The following GIMAP2 variants were observed in gnomAD, a reference collection of about 807,000 sequenced individuals.
GIMAP2 encodes the protein GTPase, IMAP family member 2.
A neutral mutation model predicts 25.5 loss-of-function variants in GIMAP2; 22 were observed. The observed-to-expected ratio is 0.86, with a 90% CI of 0.62 to 1.23. GIMAP2 has a LOEUF of 1.23. GIMAP2 is among the 50% of genes most tolerant of loss of function. The probability of loss-of-function intolerance (pLI) is 0.00; values close to 1 mark genes in which losing one functional copy is unlikely to be tolerated. For missense variants in GIMAP2, 422 were observed against 395.7 expected (o/e 1.07, Z -0.56); for synonymous variants, 167 against 143.0 (o/e 1.17, Z -1.20).
chr7:150,693,236 C>G lies in GIMAP2; in HGVS notation c.950C>G (p.Pro317Arg), dbSNP rs778088990. The G allele has an allele frequency of 6.2e-7, 1 of 1,600,910 alleles. No homozygotes were observed. The highest frequency in any genetic ancestry group is 8.5e-7 in the Non-Finnish European group (1 of 1,174,322). Residue 317 changes from proline (P) to arginine (R), a missense_variant, in exon 3 of 3, where the codon CCC becomes CGC. Pro to Arg is a moderately radical substitution (Grantham distance 103). Coordinates refer to ENST00000223293, the MANE Select transcript of GIMAP2 (RefSeq NM_015660.3). ...TTCTGCAGTTTGCTGTTTATTATAC[C>G]CAAAAAGTTAATGATATTTTTGAGA... Reference protein sequence around the residue: ...NLFCSLLFIIPKKLMIFLRTV... With the variant: ...NLFCSLLFIIRKKLMIFLRTV...
At position 150,685,800 on chromosome 7, in the gene GIMAP2, A is replaced by G. The variant is rs1193262985; in HGVS notation, c.-9+15A>G. The G allele has an allele frequency of 1.0e-6, 1 of 954,702 alleles. No individual in the cohort carries two copies. Among genetic ancestry groups the G allele is most frequent in the Non-Finnish European group, 1.2e-6 (1 of 801,900 alleles). 59.1% of individuals were successfully genotyped at this position (954,702 alleles called of 1,614,324 possible). A position where few individuals can be genotyped will look rare whatever the true frequency, so the allele number is the denominator to read the frequency against. On this transcript the variant is annotated intron_variant, in intron 1 of 2. Transcript: ENST00000223293. ...CAGTAAATCAGGTAAGCCCAGATTT[A>G]CGAAAAGTTCTGCAGTGTTGATTTC... is the stretch of plus-strand genomic sequence containing the variant.
At chr7:150,690,699 CTT>C (rs983529874) in intron 2 of GIMAP2, among the ~76,000 whole-genome samples, 10 of 152,216 alleles carry the variant, frequency 6.6e-5, no homozygotes, top group African/African-American at 2.4e-4. Flanking sequence ...CACCAGCACT[CTT>C]TTAAGTTCTT....
chr7:150,686,410 C>T (rs969423944), intron 1 of GIMAP2, among the ~76,000 whole-genome samples: 1 of 152,010 alleles, frequency 6.6e-6, no homozygotes, highest in African/African-American at 2.4e-5. Context: ...GGCACACCTA[C>T]AGAGAAAGCT....
In GIMAP2 at chr7:150,687,044, T is replaced by C. The variant is rs755976541; in HGVS notation, c.-8-8T>C. 6.2e-7 allele frequency: 1 copy of C among 1,600,768 alleles called. No individual in the cohort carries two copies. The highest frequency in any genetic ancestry group is 8.6e-7 in the Non-Finnish European group (1 of 1,168,050). On this transcript the variant is annotated splice_polypyrimidine_tract_variant and splice_region_variant and intron_variant, in intron 1 of 2. Transcript: ENST00000223293. ...GAAAAATAAGTTTCTTGTCTCTCTG[T>C]TTCTCAGGAACACCAATGGACCAAA...
Position 150,688,791 on chromosome 7 carries a change from A to G in GIMAP2, c.28+1704A>G, listed in dbSNP as rs571283399. Among the ~76,000 whole-genome samples the G allele has an allele frequency of 1.6e-4, 24 of 152,244 alleles. No homozygotes were observed. The South Asian group carries it at 5.0e-3, about 32-fold the overall frequency. On this transcript the variant is annotated intron_variant, in intron 2 of 2. Transcript: ENST00000223293. ...AGTCCTCACCGCCATCCCATGCCCC[A>G]TTACAGCAGACACCCTCCACTGTGC...
At chr7:150,689,950 T>C (rs2116504731) in intron 2 of GIMAP2, among the ~76,000 whole-genome samples, 1 of 152,352 alleles carries the variant, frequency 6.6e-6, no homozygotes, top group Admixed American at 6.5e-5. Context: ...GAGAATTTAA[T>C]CTTTGGTTAA....
rs562177098 is a variant in GIMAP2 at position 150,692,635 on chromosome 7, C to T, written c.349C>T (p.Arg117Cys). ...GCTGCTCCTGGTGACTCAGCTGGGC[C>T]GCTATACCTCACAGGACCAGCAGGC... Reference protein sequence around the residue: ...HVLLLVTQLGRYTSQDQQAAQ... With the variant: ...HVLLLVTQLGCYTSQDQQAAQ... Residue 117 changes from arginine (R) to cysteine (C), a missense_variant, in exon 3 of 3, where the codon CGC becomes TGC. Physicochemically the swap from Arg to Cys is radical, Grantham distance 180. Transcript: ENST00000223293. The T allele has an allele frequency of 6.8e-6, 11 of 1,613,982 alleles. No individual in the cohort carries two copies. The highest frequency in any genetic ancestry group is 6.7e-5 in the Admixed American group (4 of 60,010).
chr7:150,687,023 A>C, intron 1 of GIMAP2, 29 bp from the exon 2 acceptor site: 1 of 1,536,524 alleles, frequency 6.5e-7, no homozygotes, highest in Non-Finnish European at 9.0e-7. Flanking sequence ...AGAACTGAAA[A>C]ATAAGTTTCT....
intron 2 of GIMAP2, among the ~76,000 whole-genome samples, chr7:150,690,987 C>T (rs1298271877): frequency 1.3e-5 from 2 of 152,218 alleles, no homozygotes; most frequent in African/African-American, 4.8e-5. Context: ...CTCTCTGCAA[C>T]ATGAGAGTAA....
At chr7:150,688,386 C>T (rs1796927369) in intron 2 of GIMAP2, among the ~76,000 whole-genome samples, 2 of 152,234 alleles carry the variant, frequency 1.3e-5, no homozygotes, top group African/African-American at 4.8e-5. Flanking sequence ...CCACCTCAGC[C>T]TCCCAAAGTG....
At chr7:150,686,649 A>G (rs1357767662) in intron 1 of GIMAP2, among the ~76,000 whole-genome samples, 1 of 152,126 alleles carries the variant, frequency 6.6e-6, no homozygotes, top group African/African-American at 2.4e-5. Context: ...TTGTTTAGAA[A>G]TATAAGGATC....
chr7:150,691,679 T>C (rs1796966672), intron 2 of GIMAP2, among the ~76,000 whole-genome samples: 1 of 152,202 alleles, frequency 6.6e-6, no homozygotes, highest in South Asian at 2.1e-4. Flanking sequence ...CACATTGAGA[T>C]GGAACCCATG....
rs754113066 is a variant in GIMAP2, at chr7:150,693,018, A to G, written c.732A>G (p.Ile244Met). 1.2e-6 allele frequency: 2 copies of G among 1,614,218 alleles called. No homozygotes were observed. The highest frequency in any genetic ancestry group is 4.5e-5 in the East Asian group (2 of 44,886). ...TAAAGGAATTCAAACAGAGCCTTAT[A>G]AAGTACATGGAAACTCAAAGAAGTT... Reference protein sequence around the residue: ...ERVKEFKQSLIKYMETQRSYT... With the variant: ...ERVKEFKQSLMKYMETQRSYT... Residue 244 changes from isoleucine to methionine, a missense_variant, in exon 3 of 3, where the codon ATA becomes ATG. By Grantham distance (10) the Ile-to-Met change is conservative. Coordinates refer to ENST00000223293, the MANE Select transcript of GIMAP2 (RefSeq NM_015660.3).
chr7:150,689,450 G>T, intron 2 of GIMAP2: 1 of 699,978 alleles, frequency 1.4e-6, no homozygotes, highest in South Asian at 1.5e-5. Context: ...GACTCCCACC[G>T]CTTCTCTTCA....
chr7:150,692,279 AG>A, intron 2 of GIMAP2, 35 bp from the exon 3 acceptor site: 1 of 1,578,300 alleles, frequency 6.3e-7, no homozygotes, highest in Non-Finnish European at 8.6e-7. Flanking sequence ...TGCCGTGATC[AG>A]TGTAGCGATA....
At position 150,693,069 on chromosome 7, in the gene GIMAP2, C is replaced by A. The variant is rs986222355; in HGVS notation, c.783C>A (p.Cys261Ter). Residue 261 changes from cysteine to a stop codon, truncating the protein, a stop_gained, in exon 3 of 3, where the codon TGC (cysteine) becomes TGA (stop). Coordinates refer to ENST00000223293, the MANE Select transcript of GIMAP2 (RefSeq NM_015660.3). LOFTEE classifies it high-confidence loss of function. ...RSYTALAEAN[C>*]LKGALIKTQL... ...ACACAGCCTTGGCTGAAGCAAACTG[C>A]CTAAAAGGAGCCTTAATCAAAACAC... 10 of 1,614,000 alleles carry A rather than the reference C, an allele frequency of 6.2e-6. No homozygotes were observed. The highest frequency in any genetic ancestry group is 5.5e-5 in the South Asian group (5 of 91,078).
Position 150,692,970 on chromosome 7 carries a change from A to T in GIMAP2, c.684A>T (p.Gly228=). 1 of 1,614,052 alleles carries T rather than the reference A, an allele frequency of 6.2e-7. No homozygotes were observed. Among genetic ancestry groups the T allele is most frequent in the Non-Finnish European group, 8.5e-7 (1 of 1,179,878 alleles). ...LYSLIQRSKC[G]PVGSDERVKE... Reference sequence around the variant, plus strand: ...GCCTAATACAGAGGTCTAAATGTGGACCTGTGGGATCAGATGAAAGAGTAA... The same window carrying T: ...GCCTAATACAGAGGTCTAAATGTGGTCCTGTGGGATCAGATGAAAGAGTAA... The change falls in exon 3 of 3, where the codon GGA becomes GGT. Residue 228 remains glycine (G), a synonymous_variant. Transcript: ENST00000223293.
At chr7:150,688,806 C>T (rs530518633) in intron 2 of GIMAP2, among the ~76,000 whole-genome samples, 10 of 152,326 alleles carry the variant, frequency 6.6e-5, no homozygotes, top group African/African-American at 2.2e-4. Context: ...AGCAGACACC[C>T]TCCACTGTGC....
At position 150,693,500 on chromosome 7, in the gene GIMAP2, C is replaced by A. The variant is rs1796993222; in HGVS notation, c.*200C>A. On this transcript the variant is annotated 3_prime_UTR_variant, in exon 3 of 3. Transcript: ENST00000223293. ...ATATAATATCAAAGCCTTTTGAAAT[C>A]TGTAAACATAAAATTCCTCTCATTT... The A allele has an allele frequency of 4.4e-6, 2 of 451,568 alleles. No individual in the cohort carries two copies. The highest frequency in any genetic ancestry group is 7.8e-6 in the Non-Finnish European group (2 of 257,736). 28.0% of individuals were successfully genotyped at this position (451,568 alleles called of 1,614,324 possible).
Sources: allele counts gnomAD v4.1 joint callset (sites outside exome capture counted in the v4.1 genomes callset), GRCh38; gene constraint gnomAD v4.1.1; transcripts MANE v1.5; gene names NCBI Gene and HGNC (gene_info 2026-07-23, HGNC 2026-07-21).